Variants in RIMS2 observed in about 807,000 individuals in gnomAD.
The protein encoded by RIMS2 is regulating synaptic membrane exocytosis 2.
A neutral mutation model predicts 174.4 loss-of-function variants in RIMS2; 59 were observed. The observed-to-expected ratio is 0.34, with a 90% CI of 0.27 to 0.42. The LOEUF (loss-of-function observed/expected upper bound fraction) is 0.42, where lower values mean the gene tolerates loss of function less well. Among genes scored for constraint, RIMS2 ranks in the 10% least tolerant of loss-of-function variants. The pLI, the probability that RIMS2 is intolerant of heterozygous loss-of-function variation, is 1.00. For synonymous variants in RIMS2, 606 were observed against 572.5 expected (o/e 1.06, Z -0.84); for missense variants, 1,620 against 1,666.3 (o/e 0.97, Z 0.48).
rs575964294 is a variant in RIMS2 at position 104,171,308 on chromosome 8, A to G, written c.3335-73608A>G. 1.6e-3 allele frequency among the ~76,000 whole-genome samples: 242 copies of G among 150,436 alleles called. 1 individual carries two copies. The highest frequency in any genetic ancestry group is 1.7e-3 in the Non-Finnish European group (118 of 67,490). On this transcript the variant is annotated intron_variant, in intron 19 of 23. Coordinates refer to ENST00000504942, the Ensembl canonical transcript of RIMS2. ...AGGCTTAGCTGTTTTACATAATCCC[A>G]TTTTTTTTTGGAGACTTTGTTCATA...
intron 1 of RIMS2, among the ~76,000 whole-genome samples, chr8:103,665,172 A>G (rs1328646005): frequency 6.6e-6 from 1 of 152,222 alleles, no homozygotes; most frequent in African/African-American, 2.4e-5. Flanking sequence ...AAATACCTAA[A>G]GTAAATGACA....
At chr8:103,672,524 T>C (rs930323138) in intron 1 of RIMS2, among the ~76,000 whole-genome samples, 5 of 151,758 alleles carry the variant, frequency 3.3e-5, no homozygotes, top group African/African-American at 9.7e-5. Context: ...GAACAGGCCA[T>C]TGTAGGAGCA....
chr8:103,772,551 G>A (rs2098265610), intron 3 of RIMS2, among the ~76,000 whole-genome samples: 1 of 151,894 alleles, frequency 6.6e-6, no homozygotes, highest in Non-Finnish European at 1.5e-5. Context: ...CTGTGTACAG[G>A]GATCATACAA....
At chr8:103,815,789 T>G (rs1425983616) in intron 3 of RIMS2, among the ~76,000 whole-genome samples, 2 of 152,320 alleles carry the variant, frequency 1.3e-5, no homozygotes, top group East Asian at 3.9e-4. Flanking sequence ...ATTTGATTCC[T>G]TAAATAGTTC....
intron 3 of RIMS2, among the ~76,000 whole-genome samples, chr8:103,848,515 G>T (rs561505977): frequency 6.6e-6 from 1 of 152,074 alleles, no homozygotes; most frequent in African/African-American, 2.4e-5. Context: ...AGTCTGTCTG[G>T]TCTTATGATT....
intron 2 of RIMS2, among the ~76,000 whole-genome samples, chr8:103,705,308 T>C (rs931245659): frequency 6.6e-6 from 1 of 152,138 alleles, no homozygotes; most frequent in Non-Finnish European, 1.5e-5. Context: ...TCAGAAAAGA[T>C]ACCTGATATG....
intron 19 of RIMS2, among the ~76,000 whole-genome samples, chr8:104,066,787 A>G (rs1598125474): frequency 6.6e-6 from 1 of 152,290 alleles, no homozygotes; most frequent in East Asian, 1.9e-4. Flanking sequence ...ATTATAAGGA[A>G]GAAATTGTCT....
rs184425283 is a variant in RIMS2, at chr8:103,879,887, T to G, written c.699-5411T>G. Among the ~76,000 whole-genome samples, 30 of 151,840 alleles carry G rather than the reference T, an allele frequency of 2.0e-4. No individual in the cohort carries two copies. In the East Asian group the frequency reaches 4.5e-3, roughly 23 times the overall value. Reference sequence around the variant, plus strand: ...TAGGAAGGAATTTGTGTGGCCTTATTAAAATTCTTTTTAATTTTTTTTAAA... The same window carrying G: ...TAGGAAGGAATTTGTGTGGCCTTATGAAAATTCTTTTTAATTTTTTTTAAA... On this transcript the variant is annotated intron_variant, in intron 3 of 23. Transcript: ENST00000504942.
At chr8:103,944,861 A>AG (rs2083353937) in intron 14 of RIMS2, among the ~76,000 whole-genome samples, 1 of 152,076 alleles carries the variant, frequency 6.6e-6, no homozygotes. Flanking sequence ...TACACATAAA[A>AG]GAAAGAAACA....
chr8:104,117,850 T>A (rs1424955980), intron 19 of RIMS2, among the ~76,000 whole-genome samples: 1 of 152,204 alleles, frequency 6.6e-6, no homozygotes, highest in Non-Finnish European at 1.5e-5. Context: ...AAAAATGTAG[T>A]TGTCCTTGGG....
At chr8:103,685,585 A>AT (rs1258841167) in intron 1 of RIMS2, among the ~76,000 whole-genome samples, 1 of 151,996 alleles carries the variant, frequency 6.6e-6, no homozygotes, top group Non-Finnish European at 1.5e-5. Context: ...TTAAAAGACA[A>AT]TTTTTTTCTC....
intron 2 of RIMS2, among the ~76,000 whole-genome samples, chr8:103,763,964 T>C (rs1327470292): frequency 1.3e-5 from 2 of 152,182 alleles, no homozygotes; most frequent in African/African-American, 4.8e-5. Flanking sequence ...GGTTCTCAAA[T>C]GTTAGCAAAC....
At chr8:103,628,825 C>T (rs2095847811) in intron 1 of RIMS2, among the ~76,000 whole-genome samples, 1 of 149,890 alleles carries the variant, frequency 6.7e-6, no homozygotes, top group Admixed American at 6.7e-5. Context: ...AAAGGACAGC[C>T]AACAGAACAA....
intron 19 of RIMS2, among the ~76,000 whole-genome samples, chr8:104,165,534 G>C (rs111558544): frequency 5.9e-5 from 9 of 151,490 alleles, no homozygotes; most frequent in African/African-American, 1.9e-4. Flanking sequence ...ACCTTATGCT[G>C]TCTCTGTACC....
At chr8:103,759,185 T>G (rs1012464746) in intron 2 of RIMS2, among the ~76,000 whole-genome samples, 1 of 152,120 alleles carries the variant, frequency 6.6e-6, no homozygotes, top group Admixed American at 6.5e-5. Flanking sequence ...TTGAGATCCA[T>G]GGAAGGGAAT....
intron 3 of RIMS2, among the ~76,000 whole-genome samples, chr8:103,793,330 C>T (rs2098518529): frequency 1.3e-5 from 2 of 152,128 alleles, no homozygotes; most frequent in Non-Finnish European, 1.5e-5. Context: ...AGACAAAAAC[C>T]ACATGATTAT....
chr8:103,500,626 G>A, upstream of RIMS2: 3 of 415,330 alleles, frequency 7.2e-6, no homozygotes, highest in Non-Finnish European at 1.3e-5. Context: ...CCTTTCCCTT[G>A]AACCGCTCAC....
intron 19 of RIMS2, among the ~76,000 whole-genome samples, chr8:104,115,809 C>A (rs968485622): frequency 1.3e-5 from 2 of 152,164 alleles, no homozygotes; most frequent in African/African-American, 4.8e-5. Context: ...GGGGAAAGTG[C>A]TGTTCCCCTT....
At chr8:103,905,414 T>G (rs2074159696) in intron 4 of RIMS2, among the ~76,000 whole-genome samples, 2 of 152,154 alleles carry the variant, frequency 1.3e-5, no homozygotes, top group Non-Finnish European at 2.9e-5. Flanking sequence ...ATTGTGCCAC[T>G]TCCTTTTGGC....
Sources: gnomAD v4.1 joint callset for allele counts (sites outside exome capture counted in the v4.1 genomes callset) on GRCh38, gnomAD v4.1.1 for gene constraint, MANE v1.5 for transcripts, NCBI Gene and HGNC (gene_info 2026-07-23, HGNC 2026-07-21) for gene names.